The following BDP1 variants were observed in gnomAD, a reference collection of about 807,000 sequenced individuals.
BDP1 encodes transcription factor TFIIIB component B'' homolog.
A neutral mutation model predicts 266.6 loss-of-function variants in BDP1; 169 were observed. The ratio of observed to expected loss-of-function variants is 0.63; its 90% CI spans 0.56 to 0.72. The LOEUF (loss-of-function observed/expected upper bound fraction) is 0.72. Ranked by LOEUF, BDP1 falls within the 30% of genes least tolerant of loss-of-function variation. BDP1 has a pLI of 0.00. For missense variants in BDP1, 3,015 were observed against 3,053.8 expected (o/e 0.99, Z 0.30); for synonymous variants, 1,090 against 1,022.4 (o/e 1.07, Z -1.26).
chr5:71,545,474 G>A, intron 32 of BDP1: 2 of 459,446 alleles, frequency 4.4e-6, no homozygotes, highest in Non-Finnish European at 3.8e-6. Context: ...TGGGACTACA[G>A]GCATGTGTCA....
chr5:71,487,501 C>T (rs1763338177), intron 9 of BDP1, among the ~76,000 whole-genome samples: 2 of 152,142 alleles, frequency 1.3e-5, no homozygotes, highest in Admixed American at 1.3e-4. Context: ...CCTCGGCCTC[C>T]CAAAGTGCTG....
chr5:71,498,006 A>G (rs1763996920), intron 13 of BDP1, among the ~76,000 whole-genome samples: 1 of 151,342 alleles, frequency 6.6e-6, no homozygotes, highest in South Asian at 2.1e-4. Context: ...GCTGGAGTGC[A>G]GTGGCGTGAT....
rs749862816 is a variant in BDP1, at chr5:71,486,542, T to C, written c.1128T>C (p.Ala376=). 3.9e-6 allele frequency: 6 copies of C among 1,543,724 alleles called. No homozygotes were observed. Among genetic ancestry groups the C allele is most frequent in the Non-Finnish European group, 5.2e-6 (6 of 1,157,562 alleles). Residue 376 remains alanine, a synonymous_variant, in exon 9 of 39, where the codon GCT becomes GCC. Coordinates refer to ENST00000358731, the MANE Select transcript of BDP1 (RefSeq NM_018429.3). The part of the protein sequence containing the change: ...FFAHLLQKVL[A]EEEKRKQKSV... ...CTCATTTGCTTCAGAAAGTTCTTGCTGAAGAAGAGAAAAGAAAACAAAAAT... is the reference window on the plus strand; with the variant it reads ...CTCATTTGCTTCAGAAAGTTCTTGCCGAAGAAGAGAAAAGAAAACAAAAAT...
chr5:71,481,436 T>G, intron 7 of BDP1, among the ~76,000 whole-genome samples: 1 of 140,486 alleles, frequency 7.1e-6, no homozygotes, highest in Non-Finnish European at 1.5e-5. Context: ...GTGGCACACG[T>G]CCCCTAGCAA....
Position 71,458,857 on chromosome 5 carries a change from T to C in BDP1, c.489+2T>C, listed in dbSNP as rs1248483567. On this transcript the variant is annotated splice_donor_variant, in intron 2 of 38. Transcript: ENST00000358731. LOFTEE classifies it high-confidence loss of function. ...AAAGAAGAATTGAGAAAAGAGAAGG[T>C]AAGGGAGGAGAATCAGGATTTTGAT... 6.2e-7 allele frequency: 1 copy of C among 1,603,528 alleles called. No homozygotes were observed.
rs566719906 is a variant in BDP1, at chr5:71,553,131, A to T, written c.7011A>T (p.Ala2337=). 1.4e-5 allele frequency: 22 copies of T among 1,611,826 alleles called. No homozygotes were observed. The African/African-American group carries it at 2.1e-4, about 16-fold the overall frequency. The stretch of plus-strand genomic sequence containing the variant: ...TTCTATGCAGTATTTGTTTACCAGC[A>T]ACTTCAGTTGGTCAAGATGCCATGG... ...ERGDMSICLP[A]TSVGQDAMGL... The change falls in exon 35 of 39, where the codon GCA becomes GCT. Residue 2337 remains alanine (A), a synonymous_variant. Transcript: ENST00000358731.
At chr5:71,468,413 G>T (rs1411765389) in intron 6 of BDP1, among the ~76,000 whole-genome samples, 3 of 151,160 alleles carry the variant, frequency 2.0e-5, no homozygotes, top group Non-Finnish European at 4.4e-5. Context: ...CTCCCGAAGT[G>T]TTGAGATTAT....
downstream of BDP1, among the ~76,000 whole-genome samples, chr5:71,569,801 C>T (rs1306514565): frequency 4.6e-5 from 7 of 151,986 alleles, no homozygotes; most frequent in Non-Finnish European, 5.9e-5. Flanking sequence ...TCAGACATCT[C>T]CATTTAAAAA....
intron 19 of BDP1, among the ~76,000 whole-genome samples, chr5:71,514,601 T>A (rs1471024531): frequency 2.6e-5 from 4 of 152,216 alleles, no homozygotes; most frequent in African/African-American, 9.6e-5. Context: ...CAAAGAGATA[T>A]ATCTTCTTTT....
chr5:71,503,516 G>A (rs1032149348), intron 15 of BDP1, among the ~76,000 whole-genome samples: 2 of 152,158 alleles, frequency 1.3e-5, no homozygotes, highest in African/African-American at 4.8e-5. Context: ...AAGTACATAT[G>A]TGAGTTTTAA....
chr5:71,472,888 CTTTT>C (rs57109617), intron 7 of BDP1, among the ~76,000 whole-genome samples: 2 of 53,944 alleles, frequency 3.7e-5, no homozygotes, highest in African/African-American at 1.4e-4. Context: ...CTCTCTCTCT[CTTTT>C]TTTTTTTTTT....
rs761681935 is a variant in BDP1 at position 71,545,281 on chromosome 5, AG to A, written c.6744+64del. 10 of 1,352,392 alleles carry A rather than the reference AG, an allele frequency of 7.4e-6. No homozygotes were observed. The Admixed American group carries it at 2.0e-4, about 26-fold the overall frequency. 83.8% of individuals were successfully genotyped at this position (1,352,392 alleles called of 1,614,324 possible). ...TGTTTTCCTCCATTTAAAAAAAAAA[AG>A]GTATAATTTACATACAATAAACTTC... On this transcript the variant is annotated intron_variant, in intron 32 of 38. Coordinates refer to ENST00000358731, the MANE Select transcript of BDP1 (RefSeq NM_018429.3).
intron 24 of BDP1, among the ~76,000 whole-genome samples, chr5:71,523,624 C>T (rs1032152986): frequency 7.2e-5 from 11 of 152,122 alleles, no homozygotes; most frequent in African/African-American, 2.7e-4. Context: ...GGTTCTGTGT[C>T]TTTTATCCCT....
At chr5:71,522,608 G>C (rs1274266847) in intron 23 of BDP1, 118 bp downstream of exon 23, 1 of 1,166,820 alleles carries the variant, frequency 8.6e-7, no homozygotes, top group Non-Finnish European at 1.2e-6. Context: ...CCATTTTCAT[G>C]AAAAGTGACT....
At chr5:71,562,226 A>ATTT in intron 37 of BDP1, 48 bp from the exon 38 acceptor site, 1 of 981,792 alleles carries the variant, frequency 1.0e-6, no homozygotes, top group Non-Finnish European at 1.5e-6. Flanking sequence ...AAAAAAAAGA[A>ATTT]TGTGTCTTCC....
intron 35 of BDP1, among the ~76,000 whole-genome samples, chr5:71,554,643 A>G (rs1262567857): frequency 6.6e-6 from 1 of 152,218 alleles, no homozygotes; most frequent in African/African-American, 2.4e-5. Flanking sequence ...AGGTCACCAG[A>G]CTATGATACG....
At chr5:71,576,599 G>A in the BDP1 span, among the ~76,000 whole-genome samples, 67,527 of 152,032 alleles carry the variant, frequency 0.44, 15,396 homozygotes, top group South Asian at 0.55. Flanking sequence ...CCAGTGTCTT[G>A]GCCCACTGGC....
chr5:71,501,592 T>G lies in BDP1; in HGVS notation c.1987T>G (p.Leu663Val). The change falls in exon 14 of 39, where the codon TTG becomes GTG. Residue 663 changes from leucine to valine, a missense_variant. Around this residue, in one of 3 missense-constraint regions of BDP1, gnomAD observed 2,383 missense variants for 2,404.9 expected, o/e 0.99. Transcript: ENST00000358731. ...CGTGGAAAAAGATAAAATGAATACATTGGACATTTTGAGAATGGAGACTAC... is the reference window on the plus strand; with the variant it reads ...CGTGGAAAAAGATAAAATGAATACAGTGGACATTTTGAGAATGGAGACTAC... The part of the protein sequence containing the change: ...NHVEKDKMNT[L>V]DILRMETTER... 1.9e-6 allele frequency: 3 copies of G among 1,604,336 alleles called. No individual in the cohort carries two copies. In the South Asian group the frequency reaches 3.3e-5, roughly 18 times the overall value.
In BDP1 at chr5:71,544,345, T is replaced by G; in HGVS notation, c.6413-12T>G. 6.2e-7 allele frequency: 1 copy of G among 1,606,314 alleles called. No individual in the cohort carries two copies. Among genetic ancestry groups the G allele is most frequent in the Non-Finnish European group, 8.5e-7 (1 of 1,177,862 alleles). On this transcript the variant is annotated splice_polypyrimidine_tract_variant and intron_variant, in intron 30 of 38. Coordinates refer to ENST00000358731, the MANE Select transcript of BDP1 (RefSeq NM_018429.3). ...ATTTTGGTCTATATCGTAAGTGTGCTTTTTGTTTAAGAAACAGAGAAAAAT... is the reference window on the plus strand; with the variant it reads ...ATTTTGGTCTATATCGTAAGTGTGCGTTTTGTTTAAGAAACAGAGAAAAAT...
Sources: gnomAD v4.1 joint callset for allele counts (sites outside exome capture counted in the v4.1 genomes callset) on GRCh38, gnomAD v4.1.1 for gene constraint, gnomAD v4.1.1 regional missense constraint, MANE v1.5 for transcripts, NCBI Gene and HGNC (gene_info 2026-07-23, HGNC 2026-07-21) for gene names.